Variants in DENND1A observed in about 807,000 individuals in gnomAD.
DENND1A encodes DENN domain containing 1A.
In DENND1A, 51 loss-of-function variants were observed where a neutral mutation model predicts 113.7. The observed-to-expected ratio is 0.45, with a 90% confidence interval of 0.36 to 0.57. The LOEUF is 0.57. Ranked by LOEUF, DENND1A falls within the 20% of genes least tolerant of loss-of-function variation. The pLI, the probability that DENND1A is intolerant of heterozygous loss-of-function variation, is 0.00. For synonymous variants in DENND1A, 565 were observed against 570.8 expected (o/e 0.99, Z 0.14); for missense variants, 1,258 against 1,395.9 (o/e 0.90, Z 1.57).
intron 9 of DENND1A, among the ~76,000 whole-genome samples, chr9:123,639,446 C>T (rs561986069): frequency 7.4e-6 from 1 of 135,754 alleles, no homozygotes; most frequent in Non-Finnish European, 1.6e-5. Context: ...ATCCCCCCAA[C>T]CCCCTACCAA....
intron 14 of DENND1A, among the ~76,000 whole-genome samples, 171 bp downstream of exon 14, chr9:123,457,622 A>G (rs1402744792): frequency 6.6e-6 from 1 of 152,216 alleles, no homozygotes; most frequent in Admixed American, 6.5e-5. Context: ...AGATTTGCAA[A>G]GGGTCTGTCT....
intron 19 of DENND1A, among the ~76,000 whole-genome samples, chr9:123,417,889 G>T (rs531612942): frequency 1.3e-5 from 2 of 151,988 alleles, no homozygotes; most frequent in African/African-American, 2.4e-5. Flanking sequence ...ATAGATTGGG[G>T]GGGGGGCAGT....
intron 8 of DENND1A, chr9:123,652,342 A>G: frequency 2.1e-6 from 1 of 472,156 alleles, no homozygotes; most frequent in South Asian, 2.6e-5. Context: ...GAGCAATTAC[A>G]TCTTTGTGTG....
intron 2 of DENND1A, among the ~76,000 whole-genome samples, chr9:123,800,281 C>T (rs1834424010): frequency 6.6e-6 from 1 of 152,192 alleles, no homozygotes; most frequent in South Asian, 2.1e-4. Flanking sequence ...AGTTTGCATA[C>T]TGGGTTTCAG....
intron 19 of DENND1A, among the ~76,000 whole-genome samples, chr9:123,436,629 C>T (rs1368498480): frequency 2.6e-5 from 4 of 152,190 alleles, no homozygotes; most frequent in Non-Finnish European, 5.9e-5. Context: ...AAAGAAACTA[C>T]GTGATCAGGA....
intron 8 of DENND1A, among the ~76,000 whole-genome samples, chr9:123,652,844 T>C (rs1193968435): frequency 2.6e-5 from 4 of 152,210 alleles, no homozygotes; most frequent in Non-Finnish European, 5.9e-5. Flanking sequence ...TCCACCCCTG[T>C]AGCCTGGGCT....
intron 19 of DENND1A, among the ~76,000 whole-genome samples, chr9:123,418,322 T>C (rs1397427832): frequency 2.6e-5 from 4 of 152,140 alleles, no homozygotes; most frequent in African/African-American, 7.2e-5. Context: ...TTGGCCTTTG[T>C]TGGTCTCTGC....
At chr9:123,778,713 C>T (rs539238079) in intron 3 of DENND1A, among the ~76,000 whole-genome samples, 4 of 152,216 alleles carry the variant, frequency 2.6e-5, no homozygotes, top group African/African-American at 7.2e-5. Flanking sequence ...AATCCAGCCC[C>T]GGGCAGGATG....
At chr9:123,733,400 C>A (rs995761372) in intron 5 of DENND1A, among the ~76,000 whole-genome samples, 7 of 152,018 alleles carry the variant, frequency 4.6e-5, no homozygotes, top group Admixed American at 4.6e-4. Flanking sequence ...CCATCTCAGC[C>A]TCCTAAGTAA....
At chr9:123,706,232 C>A (rs1415658926) in intron 5 of DENND1A, among the ~76,000 whole-genome samples, 1 of 150,948 alleles carries the variant, frequency 6.6e-6, no homozygotes, top group Non-Finnish European at 1.5e-5. Flanking sequence ...CTCACTGCAA[C>A]CTCCACCTCC....
chr9:123,919,460 C>T (rs549561997), intron 1 of DENND1A, among the ~76,000 whole-genome samples: 1 of 148,780 alleles, frequency 6.7e-6, no homozygotes, highest in Non-Finnish European at 1.5e-5. Context: ...TGACAAAGTA[C>T]AACTTCAACT....
At chr9:123,711,344 A>G (rs1293085505) in intron 5 of DENND1A, among the ~76,000 whole-genome samples, 1 of 151,462 alleles carries the variant, frequency 6.6e-6, no homozygotes, top group African/African-American at 2.4e-5. Context: ...GGGTGCCTAT[A>G]ATCACAGCTA....
intron 2 of DENND1A, among the ~76,000 whole-genome samples, chr9:123,841,454 A>G (rs1841819367): frequency 6.6e-6 from 1 of 152,198 alleles, no homozygotes; most frequent in African/African-American, 2.4e-5. Context: ...ATAAATATTC[A>G]CTAAATCTTC....
chr9:123,813,225 T>C (rs1483902486), intron 2 of DENND1A, among the ~76,000 whole-genome samples: 1 of 152,198 alleles, frequency 6.6e-6, no homozygotes, highest in Non-Finnish European at 1.5e-5. Context: ...AGCCTCCCAA[T>C]ATGTGGGATT....
chr9:123,827,108 A>T (rs1271981381), intron 2 of DENND1A, among the ~76,000 whole-genome samples: 1 of 152,134 alleles, frequency 6.6e-6, no homozygotes, highest in African/African-American at 2.4e-5. Context: ...ACACAACTCA[A>T]CTAATTATGT....
At chr9:123,663,821 T>C (rs2063362915) in intron 8 of DENND1A, among the ~76,000 whole-genome samples, 1 of 151,378 alleles carries the variant, frequency 6.6e-6, no homozygotes, top group Non-Finnish European at 1.5e-5. Flanking sequence ...TGTGTGCTTT[T>C]AAAAATGTAA....
chr9:123,698,926 C>T (rs1451250305), intron 5 of DENND1A, among the ~76,000 whole-genome samples: 1 of 152,220 alleles, frequency 6.6e-6, no homozygotes, highest in Non-Finnish European at 1.5e-5. Flanking sequence ...ACAAAGATAT[C>T]TGCCTCAGAA....
At chr9:123,766,743 A>G (rs1314560275) in intron 4 of DENND1A, among the ~76,000 whole-genome samples, 1 of 152,246 alleles carries the variant, frequency 6.6e-6, no homozygotes, top group Non-Finnish European at 1.5e-5. Context: ...TAGGAGGATA[A>G]AATGAGATAA....
At chr9:123,721,133 T>A (rs1284060448) in intron 5 of DENND1A, among the ~76,000 whole-genome samples, 2 of 152,202 alleles carry the variant, frequency 1.3e-5, no homozygotes, top group Non-Finnish European at 2.9e-5. Context: ...TGTAAGTGGT[T>A]CCTCTATGCT....
Sources: gnomAD v4.1 joint callset for allele counts (sites outside exome capture counted in the v4.1 genomes callset) on GRCh38, gnomAD v4.1.1 for gene constraint, MANE v1.5 for transcripts, NCBI Gene and HGNC (gene_info 2026-07-23, HGNC 2026-07-21) for gene names.